Variants in ESRRG observed in about 807,000 individuals in gnomAD.
ESRRG encodes the protein estrogen related receptor gamma.
ESRRG carries 13 observed loss-of-function variants against 44.0 expected under a neutral mutation model. The ratio of observed to expected loss-of-function variants is 0.30; its 90% CI spans 0.19 to 0.47. The LOEUF (loss-of-function observed/expected upper bound fraction) is 0.47. Among genes scored for constraint, ESRRG ranks in the 20% least tolerant of loss-of-function variants. The pLI is 1.00. For missense variants in ESRRG, 395 were observed against 580.6 expected, an observed-to-expected ratio of 0.68 and a Z score of 3.29; for synonymous variants, 215 against 214.6, an observed-to-expected ratio of 1.00 and a Z score of -0.02.
At chr1:216,551,474 C>T (rs571863346) in intron 5 of ESRRG, among the ~76,000 whole-genome samples, 101 of 152,132 alleles carry the variant, frequency 6.6e-4, no homozygotes, top group African/African-American at 2.3e-3. Flanking sequence ...TGTACTCAAC[C>T]ATACAATATA....
chr1:216,805,688 G>A (rs919863695), intron 2 of ESRRG, among the ~76,000 whole-genome samples: 2 of 151,220 alleles, frequency 1.3e-5, no homozygotes, highest in Admixed American at 6.6e-5. Context: ...CTTCCGCAGT[G>A]ACAATTTGCT....
intron 1 of ESRRG, among the ~76,000 whole-genome samples, chr1:217,097,277 C>A (rs903126289): frequency 1.8e-4 from 27 of 152,112 alleles, no homozygotes; most frequent in African/African-American, 6.3e-4. Flanking sequence ...TGCACTCCAC[C>A]CCCTCTAAAA....
chr1:216,946,483 A>G (rs190596787), intron 1 of ESRRG, among the ~76,000 whole-genome samples: 38 of 152,302 alleles, frequency 2.5e-4, no homozygotes, highest in African/African-American at 8.4e-4. Context: ...CCACATCTGC[A>G]TGGATCAAAC....
chr1:216,716,293 T>G (rs2084863178), intron 1 of ESRRG, among the ~76,000 whole-genome samples: 1 of 152,070 alleles, frequency 6.6e-6, no homozygotes, highest in Admixed American at 6.6e-5. Flanking sequence ...CTATCTATGC[T>G]ATCTGTATTC....
At chr1:216,992,837 C>T (rs2075909773) in intron 1 of ESRRG, among the ~76,000 whole-genome samples, 1 of 152,096 alleles carries the variant, frequency 6.6e-6, no homozygotes, top group Admixed American at 6.5e-5. Flanking sequence ...TAATTAAGTG[C>T]TAACCATGGT....
intron 1 of ESRRG, among the ~76,000 whole-genome samples, chr1:217,131,780 G>T (rs995290827): frequency 6.6e-6 from 1 of 152,154 alleles, no homozygotes; most frequent in Non-Finnish European, 1.5e-5. Context: ...AAATTGGTGA[G>T]ACCTAATAGA....
At chr1:216,966,257 T>A (rs1408749252) in intron 1 of ESRRG, among the ~76,000 whole-genome samples, 1 of 152,192 alleles carries the variant, frequency 6.6e-6, no homozygotes, top group Admixed American at 6.5e-5. Context: ...AAGGGAAGAA[T>A]CATGTTGGAG....
At chr1:216,691,302 G>C (rs540772248) in intron 1 of ESRRG, among the ~76,000 whole-genome samples, 1 of 152,102 alleles carries the variant, frequency 6.6e-6, no homozygotes, top group African/African-American at 2.4e-5. Flanking sequence ...AAAGTAGAAC[G>C]TATTAGGGAG....
At chr1:216,714,802 T>TA (rs1257203678) in intron 1 of ESRRG, among the ~76,000 whole-genome samples, 2 of 152,188 alleles carry the variant, frequency 1.3e-5, no homozygotes, top group African/African-American at 2.4e-5. Context: ...TTCTATCTAT[T>TA]AAAAAATGCT....
chr1:216,836,776 C>T (rs139849861), intron 2 of ESRRG, among the ~76,000 whole-genome samples: 196 of 152,120 alleles, frequency 1.3e-3, no homozygotes, highest in African/African-American at 4.6e-3. Flanking sequence ...CTTGTGCAGC[C>T]GAATCAAATA....
chr1:216,591,870 G>T (rs1046088604), intron 3 of ESRRG, among the ~76,000 whole-genome samples: 11 of 152,110 alleles, frequency 7.2e-5, no homozygotes, highest in Non-Finnish European at 1.2e-4. Context: ...ATAAGCTGAT[G>T]GGGAATGGAA....
At chr1:216,517,044 G>A (rs534478930) in intron 6 of ESRRG, among the ~76,000 whole-genome samples, 6 of 152,168 alleles carry the variant, frequency 3.9e-5, no homozygotes, top group African/African-American at 9.6e-5. Context: ...TTCTTTAGTA[G>A]GGACTCTGAT....
At chr1:216,620,315 G>A (rs2062019427) in intron 3 of ESRRG, among the ~76,000 whole-genome samples, 1 of 152,160 alleles carries the variant, frequency 6.6e-6, no homozygotes, top group Admixed American at 6.5e-5. Flanking sequence ...TTTAGAACAT[G>A]TGGTCAGCCC....
intron 1 of ESRRG, among the ~76,000 whole-genome samples, chr1:216,991,602 GGGATGGGATGGGATA>G (rs879478082): frequency 0.072 from 8,623 of 120,440 alleles, 722 homozygotes; most frequent in Admixed American, 0.17. Flanking sequence ...GGGATAGCAT[GGGATGGGATGGGATA>G]GGATGGGATG....
chr1:216,593,898 AT>A (rs1360772234), intron 3 of ESRRG, among the ~76,000 whole-genome samples: 1 of 151,892 alleles, frequency 6.6e-6, no homozygotes, highest in African/African-American at 2.4e-5. Flanking sequence ...GCCCAGCTAA[AT>A]TTTTTTTATT....
chr1:216,667,021 G>A (rs2074082893), intron 2 of ESRRG, among the ~76,000 whole-genome samples: 1 of 152,118 alleles, frequency 6.6e-6, no homozygotes, highest in Non-Finnish European at 1.5e-5. Context: ...AGGTACGTTT[G>A]AGTAACCCAG....
intron 1 of ESRRG, among the ~76,000 whole-genome samples, chr1:217,135,920 C>G (rs562799411): frequency 6.6e-6 from 1 of 152,166 alleles, no homozygotes. Context: ...AAGATCCCCC[C>G]TTTTCTGGGG....
chr1:216,775,394 T>C (rs560394295), intron 2 of ESRRG, among the ~76,000 whole-genome samples: 2 of 152,088 alleles, frequency 1.3e-5, no homozygotes, highest in South Asian at 4.2e-4. Flanking sequence ...ATGTATGAAA[T>C]GACGTGACTG....
chr1:216,589,322 C>A (rs2057246584), intron 3 of ESRRG, among the ~76,000 whole-genome samples: 1 of 152,190 alleles, frequency 6.6e-6, no homozygotes, highest in South Asian at 2.1e-4. Flanking sequence ...GAATGTGGCC[C>A]AACACAAATT....
Sources: allele counts gnomAD v4.1 joint callset (sites outside exome capture counted in the v4.1 genomes callset), GRCh38; gene constraint gnomAD v4.1.1; transcripts MANE v1.5; gene names NCBI Gene and HGNC (gene_info 2026-07-23, HGNC 2026-07-21).